RALGPS2: variants seen among roughly 807,000 people sequenced by gnomAD.
RALGPS2 encodes the protein Ral GEF with PH domain and SH3 binding motif 2.
Under a neutral mutation model 86.8 loss-of-function variants are expected in RALGPS2, and 43 were observed. That is an observed-to-expected ratio of 0.50 (90% CI 0.39 to 0.64). The LOEUF (loss-of-function observed/expected upper bound fraction) is 0.64, where lower values mean the gene tolerates loss of function less well. RALGPS2 is among the 30% of genes least tolerant of loss of function. RALGPS2 has a pLI of 0.00. For synonymous variants in RALGPS2, 243 were observed against 231.3 expected, an observed-to-expected ratio of 1.05 and a Z score of -0.46; for missense variants, 536 against 694.6, an observed-to-expected ratio of 0.77 and a Z score of 2.57.
intron 10 of RALGPS2, 56 bp from the exon 11 acceptor site, chr1:178,883,410 T>C: frequency 3.0e-6 from 4 of 1,340,616 alleles, no homozygotes; most frequent in Non-Finnish European, 4.3e-6. Flanking sequence ...AACTTTAATC[T>C]TATTTTGTCA....
intron 4 of RALGPS2, among the ~76,000 whole-genome samples, chr1:178,788,224 A>G (rs1653763604): frequency 1.3e-5 from 2 of 152,074 alleles, no homozygotes; most frequent in Admixed American, 6.5e-5. Flanking sequence ...AGCACTCTAT[A>G]CTTTTTCACT....
At chr1:178,838,829 G>T (rs1475358482) in intron 8 of RALGPS2, among the ~76,000 whole-genome samples, 2 of 152,166 alleles carry the variant, frequency 1.3e-5, no homozygotes, top group East Asian at 3.9e-4. Context: ...ATGACCTGAT[G>T]GAGCTGAAAA....
intron 18 of RALGPS2, among the ~76,000 whole-genome samples, chr1:178,906,480 A>G (rs1660392719): frequency 6.6e-6 from 1 of 152,214 alleles, no homozygotes; most frequent in South Asian, 2.1e-4. Context: ...CAGTTATTTT[A>G]TGTAGGTGTA....
At chr1:178,747,280 TG>T (rs1651391340) in intron 1 of RALGPS2, 1 of 1,518,364 alleles carries the variant, frequency 6.6e-7, no homozygotes, top group Admixed American at 1.7e-5. Flanking sequence ...GAAATGAAGC[TG>T]GTGATTGAGG....
intron 13 of RALGPS2, 24 bp from the exon 14 acceptor site, chr1:178,889,618 A>C: frequency 1.3e-6 from 2 of 1,543,244 alleles, no homozygotes; most frequent in Non-Finnish European, 1.8e-6. Context: ...GATGTTTAAA[A>C]AATAGGATAA....
chr1:178,776,464 CATAACA>C (rs1416571195), intron 1 of RALGPS2, among the ~76,000 whole-genome samples: 3 of 152,110 alleles, frequency 2.0e-5, no homozygotes, highest in African/African-American at 7.2e-5. Flanking sequence ...TTATGAAGAA[CATAACA>C]ATAACATCTA....
At chr1:178,860,436 T>C (rs1657923855) in intron 8 of RALGPS2, among the ~76,000 whole-genome samples, 1 of 152,214 alleles carries the variant, frequency 6.6e-6, no homozygotes, top group Non-Finnish European at 1.5e-5. Flanking sequence ...ATAACATCTT[T>C]TATAAAATGT....
At chr1:178,858,968 A>G (rs1199022993) in intron 8 of RALGPS2, among the ~76,000 whole-genome samples, 1 of 152,214 alleles carries the variant, frequency 6.6e-6, no homozygotes, top group Non-Finnish European at 1.5e-5. Flanking sequence ...ATCTTTTGAG[A>G]GGTAAACTTT....
chr1:178,854,057 T>C (rs994381490), intron 8 of RALGPS2, among the ~76,000 whole-genome samples: 11 of 152,210 alleles, frequency 7.2e-5, no homozygotes, highest in African/African-American at 1.9e-4. Flanking sequence ...TTGGATTCTG[T>C]CTTAACATTT....
intron 4 of RALGPS2, among the ~76,000 whole-genome samples, chr1:178,791,290 T>TATTTA (rs1210973376): frequency 1.0e-3 from 156 of 149,436 alleles, no homozygotes; most frequent in African/African-American, 3.5e-3. Context: ...CTGCCTAATT[T>TATTTA]TTTTTTTTTT....
intron 1 of RALGPS2, among the ~76,000 whole-genome samples, chr1:178,735,107 AAAG>A (rs764252229): frequency 2.0e-5 from 3 of 152,170 alleles, no homozygotes; most frequent in Non-Finnish European, 4.4e-5. Flanking sequence ...AACAACAAAA[AAAG>A]GGGATAAATA....
At chr1:178,850,724 G>A (rs1657116448) in intron 8 of RALGPS2, 1 of 153,294 alleles carries the variant, frequency 6.5e-6, no homozygotes, top group South Asian at 2.1e-4. Context: ...TAAATAAAAT[G>A]CATTATTTGG....
At chr1:178,866,198 T>G (rs1161107954) in intron 8 of RALGPS2, among the ~76,000 whole-genome samples, 1 of 152,164 alleles carries the variant, frequency 6.6e-6, no homozygotes, top group African/African-American at 2.4e-5. Context: ...TGGTACACAG[T>G]GTTTGTAAGG....
intron 19 of RALGPS2, among the ~76,000 whole-genome samples, chr1:178,913,595 T>C (rs1660702452): frequency 6.6e-6 from 1 of 152,220 alleles, no homozygotes; most frequent in African/African-American, 2.4e-5. Flanking sequence ...TTCTTTCTCA[T>C]CTGTGAGGGC....
At chr1:178,736,198 CTG>C in intron 1 of RALGPS2, among the ~76,000 whole-genome samples, 1 of 148,128 alleles carries the variant, frequency 6.8e-6, no homozygotes, top group Admixed American at 6.7e-5. Context: ...CAGAGTCTCA[CTG>C]TGTCGCCCAG....
intron 4 of RALGPS2, among the ~76,000 whole-genome samples, chr1:178,796,106 G>A (rs1654178985): frequency 6.6e-6 from 1 of 152,058 alleles, no homozygotes; most frequent in Admixed American, 6.6e-5. Flanking sequence ...GCTTAGATTA[G>A]GATTAAGGAA....
rs867003445 is a variant in RALGPS2, at chr1:178,804,269, T to A, written c.214-3776T>A. Among the ~76,000 whole-genome samples, 38 of 144,328 alleles carry A rather than the reference T, an allele frequency of 2.6e-4. No homozygotes were observed. In the South Asian group the frequency reaches 4.5e-3, roughly 17 times the overall value. The allele number at this position is 144,328 out of a possible 152,430, so 94.7% of individuals were successfully genotyped here. A position where few individuals can be genotyped will look rare whatever the true frequency, so the allele number is the denominator to read the frequency against. ...CTGTTTCTTCTTTTTTTTTTTTTTT[T>A]AATTAATTGATTTATTTATTATTAT... On this transcript the variant is annotated intron_variant, in intron 4 of 19. Transcript: ENST00000367635.
intron 1 of RALGPS2, among the ~76,000 whole-genome samples, chr1:178,737,596 C>T (rs1029766564): frequency 1.3e-5 from 2 of 152,132 alleles, no homozygotes; most frequent in African/African-American, 4.8e-5. Context: ...TCTGTTTCTA[C>T]TGTGAGTCCT....
intron 8 of RALGPS2, among the ~76,000 whole-genome samples, chr1:178,838,690 A>G (rs1195102501): frequency 2.0e-5 from 3 of 152,218 alleles, no homozygotes; most frequent in Non-Finnish European, 2.9e-5. Context: ...TTGAGAGAAG[A>G]AGGCTTCAGA....
Sources: allele counts gnomAD v4.1 joint callset (sites outside exome capture counted in the v4.1 genomes callset), GRCh38; gene constraint gnomAD v4.1.1; transcripts MANE v1.5; gene names NCBI Gene and HGNC (gene_info 2026-07-23, HGNC 2026-07-21).